Variants in TWIST2 observed in about 807,000 individuals in gnomAD.
The protein encoded by TWIST2 is twist family bHLH transcription factor 2, also known as twist-related protein 2.
Under a neutral mutation model 11.6 loss-of-function variants are expected in TWIST2, and 1 was observed. That is an observed-to-expected ratio of 0.09 (90% CI 0.03 to 0.41). TWIST2 has a LOEUF of 0.41. Among genes scored for constraint, TWIST2 ranks in the 10% least tolerant of loss-of-function variants. The probability of loss-of-function intolerance (pLI) is 0.98; values close to 1 mark genes in which losing one functional copy is unlikely to be tolerated. For missense variants in TWIST2, 168 were observed against 226.4 expected (o/e 0.74, Z 1.66); for synonymous variants, 87 against 96.6 (o/e 0.90, Z 0.58).
At chr2:238,900,538 T>C (rs1444877341) in intron 1 of TWIST2, among the ~76,000 whole-genome samples, 2 of 152,348 alleles carry the variant, frequency 1.3e-5, no homozygotes, top group South Asian at 2.1e-4. Flanking sequence ...TACCTTTCCT[T>C]TGGACAGAAG....
rs1461118625 is a variant in TWIST2 at position 238,895,063 on chromosome 2, G to A, written c.*36-14779G>A. ...TGCGTCAGGCAGAGCGCCCGACACC[G>A]GCAGCCCTTCTGTCCATATTTTCGT... is the stretch of plus-strand genomic sequence containing the variant. On this transcript the variant is annotated intron_variant, in intron 1 of 1. Transcript: ENST00000612363. 3.3e-5 allele frequency among the ~76,000 whole-genome samples: 5 copies of A among 152,276 alleles called. No individual in the cohort carries two copies. In the East Asian group the frequency reaches 7.7e-4, roughly 24 times the overall value.
chr2:238,900,761 G>T (rs1444913661), intron 1 of TWIST2, among the ~76,000 whole-genome samples: 2 of 152,124 alleles, frequency 1.3e-5, no homozygotes, highest in African/African-American at 2.4e-5. Context: ...TCTGCTGGTT[G>T]TCTGGGTCTG....
At chr2:238,905,860 T>A (rs1480984819) in intron 1 of TWIST2, among the ~76,000 whole-genome samples, 1 of 55,216 alleles carries the variant, frequency 1.8e-5, no homozygotes, top group Non-Finnish European at 3.9e-5. Flanking sequence ...TGTGTGCGTG[T>A]GTGTGCGTGC....
At chr2:238,877,061 G>T (rs964241220) in intron 1 of TWIST2, among the ~76,000 whole-genome samples, 1 of 152,112 alleles carries the variant, frequency 6.6e-6, no homozygotes. Context: ...GCTGGGCGTG[G>T]TGGCGCTTAC....
Position 238,848,446 on chromosome 2 carries a change from G to A in TWIST2, c.231G>A (p.Gln77=). The A allele has an allele frequency of 6.4e-7, 1 of 1,552,442 alleles. No individual in the cohort carries two copies. The highest frequency in any genetic ancestry group is 8.7e-7 in the Non-Finnish European group (1 of 1,152,662). Reference sequence around the variant, plus strand: ...TCCTGGCCAACGTGCGCGAGCGCCAGCGCACCCAGTCGCTCAACGAGGCCT... The same window carrying A: ...TCCTGGCCAACGTGCGCGAGCGCCAACGCACCCAGTCGCTCAACGAGGCCT... ...QRILANVRER[Q]RTQSLNEAFA... The change falls in exon 1 of 2, where the codon CAG becomes CAA. Residue 77 remains glutamine (Q), a synonymous_variant. Coordinates refer to ENST00000612363, the MANE Select transcript of TWIST2 (RefSeq NM_001271893.4).
At chr2:238,874,210 C>T (rs750641233) in intron 1 of TWIST2, among the ~76,000 whole-genome samples, 6 of 152,150 alleles carry the variant, frequency 3.9e-5, no homozygotes, top group Non-Finnish European at 8.8e-5. Context: ...GTGCAGCTAC[C>T]ACTGTTCAAG....
At chr2:238,873,240 C>A (rs959725571) in intron 1 of TWIST2, among the ~76,000 whole-genome samples, 17 of 152,076 alleles carry the variant, frequency 1.1e-4, no homozygotes, top group Non-Finnish European at 2.1e-4. Context: ...ACATTAGAGA[C>A]CGGGATGTGG....
intron 1 of TWIST2, among the ~76,000 whole-genome samples, chr2:238,897,781 G>A (rs1052989861): frequency 6.6e-6 from 1 of 152,242 alleles, no homozygotes; most frequent in Non-Finnish European, 1.5e-5. Context: ...GCCCATCCCA[G>A]CCCGGGCTGG....
intron 1 of TWIST2, among the ~76,000 whole-genome samples, chr2:238,902,111 C>T (rs1238170040): frequency 1.3e-5 from 2 of 152,132 alleles, no homozygotes; most frequent in Non-Finnish European, 2.9e-5. Flanking sequence ...CAGATTCTGA[C>T]CCCTGATCCT....
In TWIST2 at chr2:238,910,470, C is replaced by G. The variant is rs1008019482; in HGVS notation, c.*664C>G. 2.0e-5 allele frequency: 3 copies of G among 152,136 alleles called. No individual in the cohort carries two copies. Among genetic ancestry groups the G allele is most frequent in the Non-Finnish European group, 4.4e-5 (3 of 68,044 alleles). The allele number at this position is 152,136 out of a possible 1,614,324, so 9.4% of individuals were successfully genotyped here. ...TTATTTATTGAGATATTTTTACAAG[C>G]TAAGTGACTGCAGTGTGGCTGTGTA... is the stretch of plus-strand genomic sequence containing the variant. On this transcript the variant is annotated 3_prime_UTR_variant, in exon 2 of 2. Coordinates refer to ENST00000612363, the MANE Select transcript of TWIST2 (RefSeq NM_001271893.4).
At chr2:238,893,378 G>C (rs1194070594) in intron 1 of TWIST2, among the ~76,000 whole-genome samples, 2 of 152,176 alleles carry the variant, frequency 1.3e-5, no homozygotes, top group Non-Finnish European at 2.9e-5. Context: ...CTTATGGTCA[G>C]CGTTGTTTAA....
chr2:238,881,381 G>A (rs1692925336), intron 1 of TWIST2, among the ~76,000 whole-genome samples: 1 of 150,990 alleles, frequency 6.6e-6, no homozygotes, highest in Non-Finnish European at 1.5e-5. Flanking sequence ...GTATTTATTA[G>A]TATTAGTTAC....
intron 1 of TWIST2, among the ~76,000 whole-genome samples, chr2:238,856,972 C>A (rs1380733250): frequency 6.6e-6 from 1 of 152,122 alleles, no homozygotes; most frequent in African/African-American, 2.4e-5. Context: ...CAAGAAGCCC[C>A]AGAGGGGGCC....
intron 1 of TWIST2, among the ~76,000 whole-genome samples, chr2:238,900,262 A>T (rs878963304): frequency 0.36 from 54,398 of 151,938 alleles, 9,911 homozygotes; most frequent in Middle Eastern, 0.5. Flanking sequence ...CTGCCTGGTG[A>T]CAGTCTGGCT....
chr2:238,881,722 C>G (rs980653028), intron 1 of TWIST2, among the ~76,000 whole-genome samples: 1 of 152,144 alleles, frequency 6.6e-6, no homozygotes, highest in Non-Finnish European at 1.5e-5. Flanking sequence ...TCTTGAGCGT[C>G]TCTCACATCT....
intron 1 of TWIST2, among the ~76,000 whole-genome samples, chr2:238,853,448 G>GAGAGAGAGA (rs1692278424): frequency 1.5e-5 from 2 of 130,634 alleles, no homozygotes; most frequent in Non-Finnish European, 3.2e-5. Flanking sequence ...AGGGAGAGAT[G>GAGAGAGAGA]GAGAGAGAGA....
At position 238,867,603 on chromosome 2, in the gene TWIST2, G is replaced by A. The variant is rs1244154036; in HGVS notation, c.*35+18870G>A. Among the ~76,000 whole-genome samples, 3 of 152,168 alleles carry A rather than the reference G, an allele frequency of 2.0e-5. No homozygotes were observed. The highest frequency in any genetic ancestry group is 2.9e-5 in the Non-Finnish European group (2 of 68,036). Reference sequence around the variant, plus strand: ...TTTCACTTTGGCACAGGCCTGGCACGGAGGAGCTGTCAGCAAGCAGGCGTC... The same window carrying A: ...TTTCACTTTGGCACAGGCCTGGCACAGAGGAGCTGTCAGCAAGCAGGCGTC... On this transcript the variant is annotated intron_variant, in intron 1 of 1. Transcript: ENST00000612363. The surrounding 1 kb of genome is among the most constrained non-coding windows in gnomAD (Gnocchi z 4.8).
chr2:238,860,244 C>T (rs183865532), intron 1 of TWIST2, among the ~76,000 whole-genome samples: 11 of 152,332 alleles, frequency 7.2e-5, no homozygotes, highest in African/African-American at 2.4e-4. Context: ...GACAGGGAGA[C>T]ACCTGGAGAC....
At chr2:238,903,622 A>ATGTGTGATGTGTGTGTGATG in intron 1 of TWIST2, among the ~76,000 whole-genome samples, 1 of 108,062 alleles carries the variant, frequency 9.3e-6, no homozygotes, top group South Asian at 3.3e-4. Context: ...GGTGTGTGTG[A>ATGTGTGATGTGTGTGTGATG]TGTGAGGTGT....
Sources: gnomAD v4.1 joint callset for allele counts (sites outside exome capture counted in the v4.1 genomes callset) on GRCh38, gnomAD v4.1.1 for gene constraint, Gnocchi (gnomAD v3.1) non-coding constraint, MANE v1.5 for transcripts, NCBI Gene and HGNC (gene_info 2026-07-23, HGNC 2026-07-21) for gene names.